PARP11: variants seen among roughly 807,000 people sequenced by gnomAD.
PARP11 encodes protein mono-ADP-ribosyltransferase PARP11.
Under a neutral mutation model 42.9 loss-of-function variants are expected in PARP11, and 31 were observed. The observed-to-expected ratio is 0.72, with a 90% CI of 0.54 to 0.98. The LOEUF (loss-of-function observed/expected upper bound fraction) is 0.98. Among genes scored for constraint, PARP11 ranks in the 50% least tolerant of loss-of-function variants. The pLI is 0.00. For missense variants in PARP11, 365 were observed against 413.1 expected, an observed-to-expected ratio of 0.88 and a Z score of 1.01; for synonymous variants, 137 against 127.3, an observed-to-expected ratio of 1.08 and a Z score of -0.51.
In PARP11 at chr12:3,840,067, TATAG is replaced by T. The variant is rs1158485085; in HGVS notation, c.19-10053_19-10050del. ...TCTTAAGTCACTCAATCCTGCAGTCTATAGAAATGTGGAATATGAAATTTGGCTG... is the reference window on the plus strand; with the variant it reads ...TCTTAAGTCACTCAATCCTGCAGTCTAAATGTGGAATATGAAATTTGGCTG... On this transcript the variant is annotated intron_variant, in intron 1 of 7. Transcript: ENST00000228820. This position sits in a 1 kb window ranked among gnomAD's most constrained non-coding sequence, Gnocchi z 4.4. The T allele has an allele frequency of 6.2e-7, 1 of 1,609,250 alleles. No homozygotes were observed. Among genetic ancestry groups the T allele is most frequent in the Non-Finnish European group, 8.5e-7 (1 of 1,175,600 alleles).
At chr12:3,831,610 G>A (rs893703912) in intron 1 of PARP11, among the ~76,000 whole-genome samples, 1 of 152,072 alleles carries the variant, frequency 6.6e-6, no homozygotes, top group Non-Finnish European at 1.5e-5. Context: ...TGACCTCAAT[G>A]AAGGGGGTTT....
chr12:3,866,722 A>T (rs1408671244), intron 1 of PARP11, among the ~76,000 whole-genome samples: 1 of 152,216 alleles, frequency 6.6e-6, no homozygotes, highest in African/African-American at 2.4e-5. Context: ...AAACCAAGAG[A>T]AAAGACGCAT....
chr12:3,873,319 C>G lies in PARP11; in HGVS notation c.-90G>C. On this transcript the variant is annotated 5_prime_UTR_variant, in exon 1 of 8. Coordinates refer to ENST00000228820, the MANE Select transcript of PARP11 (RefSeq NM_020367.6). ...GATTTTTTTTTTTCCCGCGGGTCCCCGGGAGCGAAGGGACGGAGATGCAAC... is the reference window on the plus strand; with the variant it reads ...GATTTTTTTTTTTCCCGCGGGTCCCGGGGAGCGAAGGGACGGAGATGCAAC... The G allele has an allele frequency of 1.5e-6, 2 of 1,292,418 alleles. No homozygotes were observed. The highest frequency in any genetic ancestry group is 2.2e-6 in the Non-Finnish European group (2 of 911,624). The allele number at this position is 1,292,418 out of a possible 1,614,324, so 80.1% of individuals were successfully genotyped here. A position where few individuals can be genotyped will look rare whatever the true frequency, so the allele number is the denominator to read the frequency against.
chr12:3,830,783 A>G (rs1947624013), intron 1 of PARP11, among the ~76,000 whole-genome samples: 1 of 152,208 alleles, frequency 6.6e-6, no homozygotes, highest in Admixed American at 6.5e-5. Context: ...TGAGGAAACT[A>G]AGGCATAGAG....
intron 6 of PARP11, among the ~76,000 whole-genome samples, chr12:3,815,459 G>A (rs1227488416): frequency 6.6e-6 from 1 of 152,092 alleles, no homozygotes; most frequent in Non-Finnish European, 1.5e-5. Flanking sequence ...ACCTACCTAG[G>A]CTTTCTTTTC....
chr12:3,838,864 G>C (rs920093886), intron 1 of PARP11, among the ~76,000 whole-genome samples: 1 of 152,286 alleles, frequency 6.6e-6, no homozygotes, highest in South Asian at 2.1e-4. Flanking sequence ...GGGGGACGCA[G>C]GCCCCGCTTC....
intron 1 of PARP11, among the ~76,000 whole-genome samples, chr12:3,853,803 A>G (rs1010379138): frequency 8.5e-5 from 13 of 152,108 alleles, no homozygotes; most frequent in Admixed American, 8.5e-4. Flanking sequence ...CATCTACAGA[A>G]CTCTCCACCC....
chr12:3,871,237 A>G (rs1948472542), intron 1 of PARP11, among the ~76,000 whole-genome samples: 1 of 152,258 alleles, frequency 6.6e-6, no homozygotes, highest in African/African-American at 2.4e-5. Flanking sequence ...AGGGGTTATT[A>G]AAGTAAATTT....
At chr12:3,857,069 T>C (rs369576771) in intron 1 of PARP11, among the ~76,000 whole-genome samples, 66 of 151,064 alleles carry the variant, frequency 4.4e-4, no homozygotes, top group African/African-American at 3.2e-4. Flanking sequence ...ATAAGTGGGA[T>C]TGAACAATGA....
chr12:3,834,238 G>A (rs917469857), intron 1 of PARP11, among the ~76,000 whole-genome samples: 2 of 152,002 alleles, frequency 1.3e-5, no homozygotes, highest in African/African-American at 4.8e-5. Flanking sequence ...ACTTTGCTCA[G>A]GGGTAAAGAC....
chr12:3,853,808 C>T (rs1948142993), intron 1 of PARP11, among the ~76,000 whole-genome samples: 1 of 152,216 alleles, frequency 6.6e-6, no homozygotes, highest in Non-Finnish European at 1.5e-5. Flanking sequence ...ACAGAACTCT[C>T]CACCCTAAAT....
intron 1 of PARP11, among the ~76,000 whole-genome samples, chr12:3,849,397 A>G (rs1208325410): frequency 6.6e-6 from 1 of 152,224 alleles, no homozygotes; most frequent in Non-Finnish European, 1.5e-5. Context: ...AAGATAGGGA[A>G]TCAACCTAAG....
intron 1 of PARP11, among the ~76,000 whole-genome samples, chr12:3,845,096 A>ACCTGTTTTTTGTGTTAGGTG (rs1427033702): frequency 6.6e-6 from 1 of 152,198 alleles, no homozygotes; most frequent in East Asian, 1.9e-4. Flanking sequence ...ACCAAAGCTC[A>ACCTGTTTTTTGTGTTAGGTG]CCTGTTTTTT....
chr12:3,826,963 A>T (rs114221419), intron 3 of PARP11, among the ~76,000 whole-genome samples: 3,062 of 152,274 alleles, frequency 0.02, 103 homozygotes, highest in African/African-American at 0.069. Flanking sequence ...TTCCATTTCA[A>T]AATGATTATG....
At chr12:3,869,909 T>G (rs1337261335) in intron 1 of PARP11, among the ~76,000 whole-genome samples, 1 of 152,106 alleles carries the variant, frequency 6.6e-6, no homozygotes, top group Non-Finnish European at 1.5e-5. Context: ...AATAAATAAG[T>G]GAGTGACATT....
intron 7 of PARP11, among the ~76,000 whole-genome samples, chr12:3,812,813 GT>G (rs1377093548): frequency 6.6e-6 from 1 of 151,858 alleles, no homozygotes; most frequent in African/African-American, 2.4e-5. Context: ...GTTTTGTTCT[GT>G]TTTTTTGAGA....
rs979316411 is a variant in PARP11, at chr12:3,809,525, G to A, written c.*2598C>T. ...TTGCCTCACAGATACTTAGCTCTGG[G>A]TTCCTAGTCACCTTGAGATAAGATC... is the stretch of plus-strand genomic sequence containing the variant. On this transcript the variant is annotated 3_prime_UTR_variant, in exon 8 of 8. Coordinates refer to ENST00000228820, the MANE Select transcript of PARP11 (RefSeq NM_020367.6). 8 of 147,336 alleles carry A rather than the reference G, an allele frequency of 5.4e-5. No homozygotes were observed. The highest frequency in any genetic ancestry group is 2.0e-4 in the African/African-American group (8 of 39,574). 9.1% of individuals were successfully genotyped at this position (147,336 alleles called of 1,614,324 possible).
chr12:3,856,699 G>A lies in PARP11; in HGVS notation c.18+16513C>T, dbSNP rs150039548. ...GAGTGTAAACTAGTTCAACCATTGT[G>A]GAAGATGGAAGACACTGTGGTGATT... is the stretch of plus-strand genomic sequence containing the variant. On this transcript the variant is annotated intron_variant, in intron 1 of 7. Coordinates refer to ENST00000228820, the MANE Select transcript of PARP11 (RefSeq NM_020367.6). Among the ~76,000 whole-genome samples, 2,645 of 152,262 alleles carry A rather than the reference G, an allele frequency of 0.017. 136 individuals carry two copies. In the South Asian group the frequency reaches 0.18, roughly 10 times the overall value.
chr12:3,841,899 A>G (rs183039841), intron 1 of PARP11: 2 of 1,607,786 alleles, frequency 1.2e-6, no homozygotes, highest in East Asian at 2.2e-5. Context: ...TTTCCACAGT[A>G]GATGAGTTTC....
Sources: allele counts gnomAD v4.1 joint callset (sites outside exome capture counted in the v4.1 genomes callset), GRCh38; gene constraint gnomAD v4.1.1; non-coding constraint Gnocchi (gnomAD v3.1); transcripts MANE v1.5; gene names NCBI Gene and HGNC (gene_info 2026-07-23, HGNC 2026-07-21).